KIF18A: variants seen among roughly 807,000 people sequenced by gnomAD.
KIF18A encodes the protein kinesin family member 18A.
In KIF18A, 67 loss-of-function variants were observed where a neutral mutation model predicts 103.3. That is an observed-to-expected ratio of 0.65 (90% CI 0.53 to 0.79). The LOEUF (loss-of-function observed/expected upper bound fraction) is 0.79, where lower values mean the gene tolerates loss of function less well. KIF18A is among the 30% of genes least tolerant of loss of function. The pLI, the probability that KIF18A is intolerant of heterozygous loss-of-function variation, is 0.00. For synonymous variants in KIF18A, 367 were observed against 355.5 expected (o/e 1.03, Z -0.36); for missense variants, 1,032 against 1,062.5 (o/e 0.97, Z 0.40).
chr11:28,088,846 AT>A (rs1187583603), intron 5 of KIF18A, 125 bp from the exon 6 acceptor site: 1 of 722,668 alleles, frequency 1.4e-6, no homozygotes, highest in Non-Finnish European at 2.3e-6. Context: ...TGAACAAGGT[AT>A]AATCTAATTG....
intron 11 of KIF18A, among the ~76,000 whole-genome samples, chr11:28,066,746 C>T (rs1352750820): frequency 6.7e-6 from 1 of 150,130 alleles, no homozygotes; most frequent in Non-Finnish European, 1.5e-5. Flanking sequence ...GCATCTATGA[C>T]CCCCAAAAAG....
intron 2 of KIF18A, 122 bp downstream of exon 2, chr11:28,097,501 T>G (rs1851389590): frequency 2.8e-6 from 2 of 722,482 alleles, no homozygotes; most frequent in African/African-American, 1.8e-5. Context: ...TTGAATTTCT[T>G]AAGAATTTTT....
At chr11:28,082,257 C>T (rs540442913) in intron 9 of KIF18A, among the ~76,000 whole-genome samples, 228 of 152,132 alleles carry the variant, frequency 1.5e-3, no homozygotes, top group African/African-American at 5.2e-3. Context: ...GAAGTTCTAC[C>T]GTGGGTAAAA....
chr11:28,029,234 A>G (rs1850363041), intron 15 of KIF18A, among the ~76,000 whole-genome samples: 1 of 152,126 alleles, frequency 6.6e-6, no homozygotes, highest in African/African-American at 2.4e-5. Context: ...AAAAAAAGAG[A>G]ATTTTAGACC....
At position 28,035,272 on chromosome 11, in the gene KIF18A, A is replaced by G. The variant is rs1482710628; in HGVS notation, c.2504+115T>C. 1.1e-5 allele frequency: 5 copies of G among 445,272 alleles called. No individual in the cohort carries two copies. The East Asian group carries it at 1.7e-4, about 15-fold the overall frequency. 27.6% of individuals were successfully genotyped at this position (445,272 alleles called of 1,614,324 possible). On this transcript the variant is annotated intron_variant, in intron 15 of 16. Transcript: ENST00000263181. ...CCATTCAGAGAAATTTATCCTAAGT[A>G]TGCTTAAACATGAATTGAGAGTCTA... is the stretch of plus-strand genomic sequence containing the variant.
At chr11:28,028,787 C>A (rs1850355314) in intron 15 of KIF18A, among the ~76,000 whole-genome samples, 1 of 151,542 alleles carries the variant, frequency 6.6e-6, no homozygotes, top group Non-Finnish European at 1.5e-5. Flanking sequence ...GCTAGCAAGA[C>A]TAAGAAAGAG....
At chr11:28,073,216 T>C (rs1012088207) in intron 10 of KIF18A, among the ~76,000 whole-genome samples, 1 of 152,046 alleles carries the variant, frequency 6.6e-6, no homozygotes, top group African/African-American at 2.4e-5. Context: ...AAATTTGCTG[T>C]GGGTAAGGGA....
intron 1 of KIF18A, among the ~76,000 whole-genome samples, chr11:28,101,529 T>C (rs1261208053): frequency 3.9e-5 from 6 of 152,262 alleles, no homozygotes; most frequent in Non-Finnish European, 4.4e-5. Context: ...ACTGTGATAG[T>C]GGATAAGTTA....
intron 13 of KIF18A, among the ~76,000 whole-genome samples, chr11:28,058,309 T>C (rs1027845635): frequency 1.3e-5 from 2 of 151,634 alleles, no homozygotes; most frequent in Non-Finnish European, 2.9e-5. Flanking sequence ...CTGCCCTTAA[T>C]AGAGGTTACA....
At chr11:28,103,684 A>AT (rs1223292421) in intron 1 of KIF18A, among the ~76,000 whole-genome samples, 6 of 152,120 alleles carry the variant, frequency 3.9e-5, no homozygotes, top group African/African-American at 7.2e-5. Flanking sequence ...TTAATAAACT[A>AT]TAAAAAATGC....
chr11:28,075,598 T>C (rs544209501), intron 10 of KIF18A, among the ~76,000 whole-genome samples: 1 of 152,282 alleles, frequency 6.6e-6, no homozygotes, highest in East Asian at 1.9e-4. Context: ...CCTTTATCTT[T>C]GTTCATTCTT....
chr11:28,038,802 TC>T (rs1266435379), intron 13 of KIF18A, among the ~76,000 whole-genome samples: 2 of 151,688 alleles, frequency 1.3e-5, no homozygotes, highest in African/African-American at 2.4e-5. Context: ...GAGATCCAGA[TC>T]TTAAAATAAT....
Position 28,036,212 on chromosome 11 carries a change from TGTACCG to T in KIF18A, c.2395_2396+4del, listed in dbSNP as rs1284022028. On this transcript the variant is annotated splice_donor_variant and splice_donor_region_variant and coding_sequence_variant and intron_variant, in exon 14 of 17. Coordinates refer to ENST00000263181, the MANE Select transcript of KIF18A (RefSeq NM_031217.4). LOFTEE classifies it high-confidence loss of function. ...AAAGAATTGGCAAATATTATTTTTT[TGTACCG>T]TTGTAAAATGTCTTTGTTATCATTT... 3 of 1,533,670 alleles carry T rather than the reference TGTACCG, an allele frequency of 2.0e-6. No homozygotes were observed. Among genetic ancestry groups the T allele is most frequent in the Admixed American group, 2.1e-5 (1 of 48,034 alleles).
chr11:28,102,138 T>C (rs1233617684), intron 1 of KIF18A, among the ~76,000 whole-genome samples: 1 of 152,194 alleles, frequency 6.6e-6, no homozygotes, highest in East Asian at 1.9e-4. Context: ...CTCTTTTCTT[T>C]GCAGATCCAG....
At position 28,023,216 on chromosome 11, in the gene KIF18A, T is replaced by C. The variant is rs141073219; in HGVS notation, c.2614+525A>G. Reference sequence around the variant, plus strand: ...ACTCCCATATGCGGTTGATGGAATGTAGTATCTTTCATACTGATGGGAAAG... The same window carrying C: ...ACTCCCATATGCGGTTGATGGAATGCAGTATCTTTCATACTGATGGGAAAG... On this transcript the variant is annotated intron_variant, in intron 16 of 16. Coordinates refer to ENST00000263181, the MANE Select transcript of KIF18A (RefSeq NM_031217.4). Among the ~76,000 whole-genome samples the C allele has an allele frequency of 1.4e-4, 22 of 152,282 alleles. No homozygotes were observed. In the East Asian group the frequency reaches 4.3e-3, roughly 29 times the overall value.
chr11:28,091,163 T>C (rs950295961), intron 4 of KIF18A, among the ~76,000 whole-genome samples: 5 of 151,974 alleles, frequency 3.3e-5, no homozygotes, highest in Non-Finnish European at 5.9e-5. Flanking sequence ...CATACATACA[T>C]ACATACATAC....
intron 10 of KIF18A, among the ~76,000 whole-genome samples, chr11:28,072,574 C>T (rs1209459602): frequency 6.6e-6 from 1 of 152,028 alleles, no homozygotes; most frequent in Non-Finnish European, 1.5e-5. Flanking sequence ...TAGATGTCTT[C>T]CTATGTTTTT....
intron 9 of KIF18A, 27 bp from the exon 10 acceptor site, chr11:28,077,196 A>G (rs1439320511): frequency 1.3e-6 from 2 of 1,498,506 alleles, no homozygotes; most frequent in Non-Finnish European, 1.8e-6. Context: ...ACATTACAGA[A>G]TCTCACTAAT....
In KIF18A at chr11:28,094,671, A is replaced by G; in HGVS notation, c.455T>C (p.Ile152Thr). 1 of 1,612,412 alleles carries G rather than the reference A, an allele frequency of 6.2e-7. No homozygotes were observed. The highest frequency in any genetic ancestry group is 8.5e-7 in the Non-Finnish European group (1 of 1,178,568). Residue 152 changes from isoleucine (I) to threonine (T), a missense_variant, in exon 3 of 17, where the codon ATA becomes ACA. Physicochemically the swap from Ile to Thr is moderately conservative, Grantham distance 89 (BLOSUM62 -1). Transcript: ENST00000263181. ...KCMDEIKEEK[I>T]CSTAVSYLEV... ...CAGATATGAAACTGCAGTACTACAT[A>G]TTTTCTCTTCTTTAATCTCATCCAT...
Sources: allele counts gnomAD v4.1 joint callset (sites outside exome capture counted in the v4.1 genomes callset), GRCh38; gene constraint gnomAD v4.1.1; transcripts MANE v1.5; gene names NCBI Gene and HGNC (gene_info 2026-07-23, HGNC 2026-07-21).